ANKIB1: variants seen among roughly 807,000 people sequenced by gnomAD.
ANKIB1 encodes the protein ankyrin repeat and IBR domain-containing protein 1.
A neutral mutation model predicts 122.1 loss-of-function variants in ANKIB1; 43 were observed. The observed-to-expected ratio is 0.35, with a 90% CI of 0.28 to 0.45. The LOEUF is 0.45. Among genes scored for constraint, ANKIB1 ranks in the 20% least tolerant of loss-of-function variants. ANKIB1 has a pLI of 1.00. For synonymous variants in ANKIB1, 390 were observed against 442.0 expected, an observed-to-expected ratio of 0.88 and a Z score of 1.48; for missense variants, 992 against 1,329.5, an observed-to-expected ratio of 0.75 and a Z score of 3.95.
intron 3 of ANKIB1, among the ~76,000 whole-genome samples, chr7:92,318,740 T>A (rs1802843154): frequency 6.6e-6 from 1 of 152,198 alleles, no homozygotes; most frequent in African/African-American, 2.4e-5. Flanking sequence ...TTTCTTTGGG[T>A]CAAAGAGAGA....
intron 11 of ANKIB1, among the ~76,000 whole-genome samples, chr7:92,381,989 G>A (rs558026172): frequency 8.0e-4 from 122 of 152,126 alleles, no homozygotes; most frequent in African/African-American, 2.8e-3. Context: ...GCTGTATTCA[G>A]GAGACCCATC....
intron 5 of ANKIB1, 133 bp from the exon 6 acceptor site, chr7:92,342,891 C>A: frequency 1.4e-6 from 1 of 694,908 alleles, no homozygotes; most frequent in Non-Finnish European, 2.5e-6. Flanking sequence ...CATTCATTTG[C>A]AGTTACTACT....
At chr7:92,312,771 C>A (rs1467990114) in intron 3 of ANKIB1, among the ~76,000 whole-genome samples, 4 of 152,012 alleles carry the variant, frequency 2.6e-5, no homozygotes, top group African/African-American at 9.7e-5. Flanking sequence ...TTCAGTTATA[C>A]AAAGGACTTA....
At chr7:92,335,825 C>T (rs1171325117) in intron 5 of ANKIB1, among the ~76,000 whole-genome samples, 1 of 151,824 alleles carries the variant, frequency 6.6e-6, no homozygotes, top group African/African-American at 2.4e-5. Context: ...TTCTGTTTGT[C>T]TCTTTATTTT....
intron 5 of ANKIB1, among the ~76,000 whole-genome samples, chr7:92,337,181 G>C (rs1803308013): frequency 6.6e-6 from 1 of 152,168 alleles, no homozygotes. Flanking sequence ...GTACTAAGCA[G>C]TAAACTTTGA....
intron 2 of ANKIB1, among the ~76,000 whole-genome samples, chr7:92,302,614 C>T (rs1460477064): frequency 1.3e-5 from 2 of 152,114 alleles, no homozygotes; most frequent in African/African-American, 4.8e-5. Context: ...GTTGTATCTT[C>T]TATAAAACAG....
intron 2 of ANKIB1, among the ~76,000 whole-genome samples, 172 bp downstream of exon 2, chr7:92,295,338 A>G (rs1217880017): frequency 6.6e-6 from 1 of 152,172 alleles, no homozygotes; most frequent in Non-Finnish European, 1.5e-5. Flanking sequence ...ACTTTCTAAA[A>G]CCAAATATAC....
At chr7:92,343,599 A>G (rs1405341540) in intron 6 of ANKIB1, among the ~76,000 whole-genome samples, 2 of 152,178 alleles carry the variant, frequency 1.3e-5, no homozygotes, top group African/African-American at 4.8e-5. Context: ...TGGGAGGCCA[A>G]GGTGGGTGGA....
chr7:92,329,008 C>A (rs1381788349), intron 5 of ANKIB1, among the ~76,000 whole-genome samples: 1 of 148,832 alleles, frequency 6.7e-6, no homozygotes, highest in Non-Finnish European at 1.5e-5. Flanking sequence ...TGCTCTGTTG[C>A]CCAGGCTGGA....
At chr7:92,255,358 G>A (rs142579693) in intron 1 of ANKIB1, among the ~76,000 whole-genome samples, 1 of 152,300 alleles carries the variant, frequency 6.6e-6, no homozygotes, top group East Asian at 1.9e-4. Flanking sequence ...AAACAAGGGG[G>A]ATTATTTTCC....
intron 1 of ANKIB1, among the ~76,000 whole-genome samples, chr7:92,283,476 A>G (rs900075464): frequency 5.3e-5 from 8 of 152,092 alleles, no homozygotes; most frequent in East Asian, 3.9e-4. Context: ...TTTTAGCAAC[A>G]TTTCAGACTA....
In ANKIB1 at chr7:92,275,030, G is replaced by T. The variant is rs568473108; in HGVS notation, c.-90-19859G>T. Among the ~76,000 whole-genome samples, 16 of 152,272 alleles carry T rather than the reference G, an allele frequency of 1.1e-4. No individual in the cohort carries two copies. In the East Asian group the frequency reaches 3.1e-3, roughly 29 times the overall value. ...ACTTTTTGGTGTTCTTTAACAAAAAGTAGGCTGCTTTTTTTTCTTTCTTGG... is the reference window on the plus strand; with the variant it reads ...ACTTTTTGGTGTTCTTTAACAAAAATTAGGCTGCTTTTTTTTCTTTCTTGG... On this transcript the variant is annotated intron_variant, in intron 1 of 19. Transcript: ENST00000265742.
intron 11 of ANKIB1, among the ~76,000 whole-genome samples, chr7:92,384,055 AT>A (rs1804579485): frequency 6.6e-6 from 1 of 152,242 alleles, no homozygotes; most frequent in African/African-American, 2.4e-5. Flanking sequence ...AAGATACAAA[AT>A]CAATGTGCAA....
chr7:92,306,479 G>A (rs950672889), intron 2 of ANKIB1, among the ~76,000 whole-genome samples: 7 of 152,066 alleles, frequency 4.6e-5, no homozygotes, highest in African/African-American at 1.7e-4. Flanking sequence ...CCCTCAGAAA[G>A]TATTATACTA....
At chr7:92,313,466 TG>T (rs1045258520) in intron 3 of ANKIB1, among the ~76,000 whole-genome samples, 2 of 152,214 alleles carry the variant, frequency 1.3e-5, no homozygotes, top group Admixed American at 1.3e-4. Context: ...TTTGCCTGTC[TG>T]GGCCTCTGTT....
At chr7:92,328,905 A>G (rs1489194546) in intron 5 of ANKIB1, among the ~76,000 whole-genome samples, 1 of 148,820 alleles carries the variant, frequency 6.7e-6, no homozygotes, top group African/African-American at 2.4e-5. Context: ...CCAAAAAAAC[A>G]TATATATGGA....
chr7:92,321,213 C>T (rs955035812), intron 4 of ANKIB1, among the ~76,000 whole-genome samples: 1 of 151,794 alleles, frequency 6.6e-6, no homozygotes, highest in Admixed American at 6.6e-5. Flanking sequence ...ATGATTAAAT[C>T]AAGCTAATTA....
intron 5 of ANKIB1, among the ~76,000 whole-genome samples, chr7:92,339,164 C>G (rs1469012225): frequency 6.8e-6 from 1 of 147,838 alleles, no homozygotes; most frequent in African/African-American, 2.5e-5. Flanking sequence ...GCCTCAGCCT[C>G]CCGAGTAGCT....
intron 10 of ANKIB1, among the ~76,000 whole-genome samples, chr7:92,367,415 T>A (rs1226799524): frequency 6.6e-6 from 1 of 152,218 alleles, no homozygotes; most frequent in East Asian, 1.9e-4. Context: ...CATCATTAAA[T>A]ATACAAAAAT....
Sources: allele counts gnomAD v4.1 joint callset (sites outside exome capture counted in the v4.1 genomes callset), GRCh38; gene constraint gnomAD v4.1.1; transcripts MANE v1.5; gene names NCBI Gene and HGNC (gene_info 2026-07-23, HGNC 2026-07-21).